The following ANKS1B variants were observed in gnomAD, a reference collection of about 807,000 sequenced individuals.
The protein encoded by ANKS1B is ankyrin repeat and sterile alpha motif domain containing 1B.
Under a neutral mutation model 148.3 loss-of-function variants are expected in ANKS1B, and 36 were observed. The ratio of observed to expected loss-of-function variants is 0.24; its 90% CI spans 0.19 to 0.32. The LOEUF is 0.32. Ranked by LOEUF, ANKS1B falls within the 10% of genes least tolerant of loss-of-function variation. The probability of loss-of-function intolerance (pLI) is 1.00; values close to 1 mark genes in which losing one functional copy is unlikely to be tolerated. For synonymous variants in ANKS1B, 542 were observed against 560.8 expected, an observed-to-expected ratio of 0.97 and a Z score of 0.47; for missense variants, 1,157 against 1,542.6, an observed-to-expected ratio of 0.75 and a Z score of 4.19.
intron 15 of ANKS1B, among the ~76,000 whole-genome samples, chr12:99,095,594 C>T (rs74656027): frequency 1.1e-4 from 16 of 152,284 alleles, no homozygotes; most frequent in African/African-American, 3.8e-4. Flanking sequence ...AAGCTCTCTC[C>T]ATCTTTTGCA....
chr12:99,355,174 C>T (rs1370781118), intron 12 of ANKS1B, among the ~76,000 whole-genome samples: 1 of 151,874 alleles, frequency 6.6e-6, no homozygotes, highest in Non-Finnish European at 1.5e-5. Context: ...AATTTTAAAC[C>T]CAGACAGTCT....
chr12:99,129,637 G>A (rs766189372), intron 15 of ANKS1B, among the ~76,000 whole-genome samples: 1 of 152,172 alleles, frequency 6.6e-6, no homozygotes, highest in Non-Finnish European at 1.5e-5. Context: ...GGAGATCAGA[G>A]ATCCTCCACC....
At chr12:99,471,295 A>G (rs2152903456) in intron 10 of ANKS1B, among the ~76,000 whole-genome samples, 1 of 152,120 alleles carries the variant, frequency 6.6e-6, no homozygotes, top group East Asian at 1.9e-4. Flanking sequence ...TTAACAAAAT[A>G]TTGCTTAAAT....
intron 4 of ANKS1B, among the ~76,000 whole-genome samples, chr12:99,804,198 A>G (rs980288298): frequency 6.6e-6 from 1 of 152,198 alleles, no homozygotes; most frequent in Non-Finnish European, 1.5e-5. Flanking sequence ...AAAATATTAC[A>G]GAAGTGTGAA....
chr12:99,890,952 C>T (rs146269041), intron 1 of ANKS1B, among the ~76,000 whole-genome samples: 7 of 152,162 alleles, frequency 4.6e-5, no homozygotes, highest in Non-Finnish European at 1.0e-4. Flanking sequence ...TTTAAAAATA[C>T]AGTGCCCACC....
intron 9 of ANKS1B, 85 bp downstream of exon 9, chr12:99,654,982 A>G: frequency 7.1e-7 from 1 of 1,409,272 alleles, no homozygotes; most frequent in South Asian, 1.6e-5. Flanking sequence ...TCCTAATTTG[A>G]TTTTCGAAGG....
chr12:99,843,586 TTTTTTCCTTTTTATGGCTGCATAGTA>T (rs1217404296), intron 1 of ANKS1B, among the ~76,000 whole-genome samples: 2 of 152,078 alleles, frequency 1.3e-5, no homozygotes. Flanking sequence ...AGGACATGAT[TTTTTTCCTTTTTATGGCTGCATAGTA>T]TTCCACAGTG....
intron 9 of ANKS1B, among the ~76,000 whole-genome samples, chr12:99,590,258 CCACACACACACACACA>C (rs374132496): frequency 7.5e-6 from 1 of 132,806 alleles, no homozygotes; most frequent in Non-Finnish European, 1.6e-5. Context: ...CCACACCCAC[CCACACACACACACACA>C]CACACACACA....
chr12:99,059,965 G>A (rs1355401188), intron 16 of ANKS1B, among the ~76,000 whole-genome samples: 2 of 152,114 alleles, frequency 1.3e-5, no homozygotes, highest in East Asian at 3.9e-4. Context: ...GGAAGTGACA[G>A]CTCCATCGGC....
intron 19 of ANKS1B, 62 bp from the exon 20 acceptor site, chr12:98,807,980 A>G: frequency 7.7e-7 from 1 of 1,305,602 alleles, no homozygotes. Context: ...CTACCAAGGT[A>G]GCATCCAGGA....
intron 24 of ANKS1B, among the ~76,000 whole-genome samples, chr12:98,774,052 G>C (rs2098639500): frequency 6.6e-6 from 1 of 152,230 alleles, no homozygotes; most frequent in Non-Finnish European, 1.5e-5. Flanking sequence ...GCAGGGGCCT[G>C]ATAAGAGAAA....
intron 1 of ANKS1B, among the ~76,000 whole-genome samples, chr12:99,832,993 A>T (rs2153690546): frequency 6.6e-6 from 1 of 152,342 alleles, no homozygotes; most frequent in South Asian, 2.1e-4. Context: ...CTTTATATGC[A>T]TTAGCTTATT....
chr12:99,739,551 G>T (rs1054189910), intron 8 of ANKS1B, among the ~76,000 whole-genome samples: 7 of 151,924 alleles, frequency 4.6e-5, no homozygotes, highest in African/African-American at 1.7e-4. Flanking sequence ...GTAGAATTTT[G>T]TAAAAATTAA....
intron 14 of ANKS1B, among the ~76,000 whole-genome samples, chr12:99,224,915 G>A (rs1056358908): frequency 2.6e-5 from 4 of 152,120 alleles, no homozygotes; most frequent in East Asian, 1.9e-4. Context: ...TAGGTCATGC[G>A]TGTAATTTTA....
intron 14 of ANKS1B, among the ~76,000 whole-genome samples, chr12:99,210,957 G>A (rs530338514): frequency 6.6e-6 from 1 of 152,280 alleles, no homozygotes; most frequent in Non-Finnish European, 1.5e-5. Context: ...TCTCTATTCA[G>A]CTATTCAGTC....
At chr12:99,428,623 T>C (rs2095307118) in intron 11 of ANKS1B, among the ~76,000 whole-genome samples, 1 of 152,192 alleles carries the variant, frequency 6.6e-6, no homozygotes, top group South Asian at 2.1e-4. Flanking sequence ...TGCATGTGTA[T>C]ATTTGTGTAT....
intron 1 of ANKS1B, among the ~76,000 whole-genome samples, chr12:99,969,666 C>T (rs1425216787): frequency 3.3e-5 from 5 of 152,226 alleles, no homozygotes; most frequent in African/African-American, 9.6e-5. Flanking sequence ...TATGTAGGAA[C>T]TGAAATATAT....
chr12:98,964,129 A>C (rs924349442), intron 17 of ANKS1B, among the ~76,000 whole-genome samples: 6 of 152,128 alleles, frequency 3.9e-5, no homozygotes, highest in African/African-American at 7.2e-5. Context: ...CCCATTAAAA[A>C]CTGGGTGAAA....
chr12:99,436,245 A>G (rs912094445), intron 11 of ANKS1B, among the ~76,000 whole-genome samples: 1 of 152,040 alleles, frequency 6.6e-6, no homozygotes, highest in Non-Finnish European at 1.5e-5. Flanking sequence ...TAATGAGCTA[A>G]TTAGCATTAA....
Sources: gnomAD v4.1 joint callset for allele counts (sites outside exome capture counted in the v4.1 genomes callset) on GRCh38, gnomAD v4.1.1 for gene constraint, MANE v1.5 for transcripts, NCBI Gene and HGNC (gene_info 2026-07-23, HGNC 2026-07-21) for gene names.